The following ACOX3 variants were observed in gnomAD, a reference collection of about 807,000 sequenced individuals.
ACOX3 encodes acyl-CoA oxidase 3, pristanoyl.
In ACOX3, 73 loss-of-function variants were observed where a neutral mutation model predicts 81.5. The ratio of observed to expected loss-of-function variants is 0.90; its 90% CI spans 0.74 to 1.09. The LOEUF (loss-of-function observed/expected upper bound fraction) is 1.09, where lower values mean the gene tolerates loss of function less well. ACOX3 is among the 50% of genes least tolerant of loss of function. The pLI is 0.00. For missense variants in ACOX3, 947 were observed against 928.0 expected (o/e 1.02, Z -0.27); for synonymous variants, 387 against 375.1 (o/e 1.03, Z -0.37).
At chr4:8,365,355 C>A (rs2280569), downstream of ACOX3, among the ~76,000 whole-genome samples, 15 of 152,130 alleles carry the variant, frequency 9.9e-5, no homozygotes, top group Non-Finnish European at 1.9e-4. Context: ...ATGTAACCCA[C>A]GAAGAGTTTG....
rs11462533 is a variant in ACOX3, at chr4:8,390,182, GA to G, written c.1301-449del. On this transcript the variant is annotated intron_variant, in intron 11 of 17. Coordinates refer to ENST00000356406, the MANE Select transcript of ACOX3 (RefSeq NM_003501.3). ...GTGAGACCCTATCTCTATAAAAAAT[GA>G]AAAAAAAAATTAGCTGGGCATAGTG... Among the ~76,000 whole-genome samples the G allele has an allele frequency of 8.1e-5, 12 of 147,548 alleles. No homozygotes were observed. In the East Asian group the frequency reaches 2.0e-3, roughly 24 times the overall value.
chr4:8,358,572 G>A, the ACOX3 span, among the ~76,000 whole-genome samples: 1 of 152,200 alleles, frequency 6.6e-6, no homozygotes, highest in Non-Finnish European at 1.5e-5. Flanking sequence ...GTCACAGGAT[G>A]AGATAGGAGG....
chr4:8,370,465 G>A lies in ACOX3; in HGVS notation c.1983+443C>T, dbSNP rs982285844. 5.3e-5 allele frequency among the ~76,000 whole-genome samples: 8 copies of A among 152,012 alleles called. No individual in the cohort carries two copies. The highest frequency in any genetic ancestry group is 1.9e-4 in the African/African-American group (8 of 41,372). ...AAGCGGGGCAGGGGAGAGTAACCCC[G>A]GTGACAACCATGGATGGTCAGAGGG... On this transcript the variant is annotated intron_variant, in intron 17 of 17. Transcript: ENST00000356406. The surrounding 1 kb of genome is among the most constrained non-coding windows in gnomAD (Gnocchi z 6.3).
chr4:8,372,515 A>T (rs1422916468), intron 16 of ACOX3, among the ~76,000 whole-genome samples: 4 of 152,192 alleles, frequency 2.6e-5, no homozygotes, highest in Admixed American at 2.6e-4. Flanking sequence ...CACTGCCCCA[A>T]GGGGGTAAAA....
intron 13 of ACOX3, among the ~76,000 whole-genome samples, chr4:8,387,088 C>T (rs1038663971): frequency 6.6e-6 from 1 of 152,252 alleles, no homozygotes; most frequent in South Asian, 2.1e-4. Flanking sequence ...CTCCAAGTCC[C>T]CGCTCTATCT....
intron 1 of ACOX3, among the ~76,000 whole-genome samples, chr4:8,427,279 G>A (rs561930866): frequency 5.3e-5 from 8 of 152,202 alleles, no homozygotes; most frequent in Non-Finnish European, 8.8e-5. Context: ...AAGCCGAATC[G>A]GGCAACCCTC....
At chr4:8,404,629 G>A (rs1296608221) in intron 7 of ACOX3, among the ~76,000 whole-genome samples, 1 of 152,190 alleles carries the variant, frequency 6.6e-6, no homozygotes, top group African/African-American at 2.4e-5. Flanking sequence ...CTTCTCAGAA[G>A]AGACAGGCAG....
rs751797672 is a variant in ACOX3, at chr4:8,415,793, C to T, written c.351G>A (p.Leu117=). The change falls in exon 3 of 18, where the codon CTG becomes CTA. Residue 117 remains leucine, a synonymous_variant. Transcript: ENST00000356406. ...IQCLGMYDSS[L]AAKYLLHSLV... ...AGCTATGGAGGAGGTACTTGGCAGCCAGAGAAGAGTCATACATGCCCAGGC... is the reference window on the plus strand; with the variant it reads ...AGCTATGGAGGAGGTACTTGGCAGCTAGAGAAGAGTCATACATGCCCAGGC... 7 of 1,613,950 alleles carry T rather than the reference C, an allele frequency of 4.3e-6. No homozygotes were observed. The highest frequency in any genetic ancestry group is 1.7e-4 in the Middle Eastern group (1 of 6,058).
rs889825417 is a variant in ACOX3, at chr4:8,431,754, C to T, written c.-15+8894G>A. On this transcript the variant is annotated intron_variant, in intron 1 of 17. Coordinates refer to ENST00000356406, the MANE Select transcript of ACOX3 (RefSeq NM_003501.3). The surrounding 1 kb of genome is among the most constrained non-coding windows in gnomAD (Gnocchi z 5.3). ...GAGCACTGCCATAGGGCCTCACCCA[C>T]CCCCTCTCTTGTTTATCTTGACTTC... Among the ~76,000 whole-genome samples, 4 of 152,192 alleles carry T rather than the reference C, an allele frequency of 2.6e-5. No individual in the cohort carries two copies. The highest frequency in any genetic ancestry group is 9.7e-5 in the African/African-American group (4 of 41,438).
Position 8,385,749 on chromosome 4 carries a change from G to C in ACOX3, c.1537+3424C>G, listed in dbSNP as rs1718224381. On this transcript the variant is annotated intron_variant, in intron 13 of 17. Coordinates refer to ENST00000356406, the MANE Select transcript of ACOX3 (RefSeq NM_003501.3). This position sits in a 1 kb window ranked among gnomAD's most constrained non-coding sequence, Gnocchi z 5.5. Reference sequence around the variant, plus strand: ...CCCGGAAGGGGCCTGTGTCTCTCCAGTCCTGCAGAGCCTGAGGGCCCCACA... The same window carrying C: ...CCCGGAAGGGGCCTGTGTCTCTCCACTCCTGCAGAGCCTGAGGGCCCCACA... Among the ~76,000 whole-genome samples, 2 of 152,222 alleles carry C rather than the reference G, an allele frequency of 1.3e-5. No individual in the cohort carries two copies. Among genetic ancestry groups the C allele is most frequent in the African/African-American group, 4.8e-5 (2 of 41,458 alleles).
At position 8,437,690 on chromosome 4, in the gene ACOX3, A is replaced by C. The variant is rs1724337061; in HGVS notation, c.-15+2958T>G. 1.3e-5 allele frequency among the ~76,000 whole-genome samples: 2 copies of C among 152,254 alleles called. No homozygotes were observed. The highest frequency in any genetic ancestry group is 2.4e-5 in the African/African-American group (1 of 41,472). ...TCGAGAGCCGGCCAAGGCTAGAGAG[A>C]CATTAATGTGTGAGATGAAAAAAGA... On this transcript the variant is annotated intron_variant, in intron 1 of 17. Transcript: ENST00000356406. The surrounding 1 kb of genome is among the most constrained non-coding windows in gnomAD (Gnocchi z 5.2).
At position 8,382,674 on chromosome 4, in the gene ACOX3, A is replaced by G. The variant is rs534763556; in HGVS notation, c.1538-1067T>C. 6.6e-6 allele frequency among the ~76,000 whole-genome samples: 1 copy of G among 152,318 alleles called. No individual in the cohort carries two copies. Among genetic ancestry groups the G allele is most frequent in the East Asian group, 1.9e-4 (1 of 5,170 alleles). The stretch of plus-strand genomic sequence containing the variant: ...GGGGCTTGGGATTTCCTTCTATGTC[A>G]CACAGCCCAGGTCACTGGGAAGAAA... On this transcript the variant is annotated intron_variant, in intron 13 of 17. Transcript: ENST00000356406. The surrounding 1 kb of genome is among the most constrained non-coding windows in gnomAD (Gnocchi z 4.1).
At chr4:8,383,980 C>T (rs1718001794) in intron 13 of ACOX3, among the ~76,000 whole-genome samples, 1 of 152,208 alleles carries the variant, frequency 6.6e-6, no homozygotes, top group Admixed American at 6.5e-5. Context: ...ACACCAGAGG[C>T]CCCCGTGTCC....
At position 8,432,117 on chromosome 4, in the gene ACOX3, A is replaced by G. The variant is rs1723991039; in HGVS notation, c.-15+8531T>C. On this transcript the variant is annotated intron_variant, in intron 1 of 17. Transcript: ENST00000356406. The surrounding 1 kb of genome is among the most constrained non-coding windows in gnomAD (Gnocchi z 6.2). Reference sequence around the variant, plus strand: ...ACCTCACTTCCCCTAGTCACATCACATTAAGTGGTAGGCAGCTGAAAACGG... The same window carrying G: ...ACCTCACTTCCCCTAGTCACATCACGTTAAGTGGTAGGCAGCTGAAAACGG... 6.6e-6 allele frequency among the ~76,000 whole-genome samples: 1 copy of G among 152,216 alleles called. No individual in the cohort carries two copies. Among genetic ancestry groups the G allele is most frequent in the Admixed American group, 6.5e-5 (1 of 15,284 alleles).
chr4:8,418,546 A>G (rs1390767062), intron 1 of ACOX3, among the ~76,000 whole-genome samples: 5 of 152,136 alleles, frequency 3.3e-5, no homozygotes, highest in Admixed American at 2.6e-4. Context: ...TCAAATAGAC[A>G]TTTCTCCAAA....
At chr4:8,388,560 C>T (rs867160272) in intron 13 of ACOX3, among the ~76,000 whole-genome samples, 1 of 152,258 alleles carries the variant, frequency 6.6e-6, no homozygotes, top group African/African-American at 2.4e-5. Context: ...GAGCCACAGA[C>T]CCCGTGTGGG....
chr4:8,389,288 T>C lies in ACOX3; in HGVS notation c.1424-2A>G, dbSNP rs1718683273. The C allele has an allele frequency of 6.2e-7, 1 of 1,610,942 alleles. No homozygotes were observed. Among genetic ancestry groups the C allele is most frequent in the African/African-American group, 1.3e-5 (1 of 74,872 alleles). ...GCGGACTGCGGAAGCAAGCTCCATC[T>C]AGGACACACATTCCAGTGACTTTGG... is the stretch of plus-strand genomic sequence containing the variant. On this transcript the variant is annotated splice_acceptor_variant, in intron 12 of 17. Transcript: ENST00000356406. LOFTEE classifies it high-confidence loss of function. The surrounding 1 kb of genome is among the most constrained non-coding windows in gnomAD (Gnocchi z 5.3).
At chr4:8,365,074 C>A (rs1715336382), downstream of ACOX3, among the ~76,000 whole-genome samples, 1 of 152,200 alleles carries the variant, frequency 6.6e-6, no homozygotes, top group South Asian at 2.1e-4. Flanking sequence ...GAGGGGGACC[C>A]CTGGTGGAAA....
chr4:8,413,615 C>T (rs1722021980), intron 5 of ACOX3, among the ~76,000 whole-genome samples: 1 of 150,250 alleles, frequency 6.7e-6, no homozygotes, highest in Non-Finnish European at 1.5e-5. Flanking sequence ...AGGCATCCAT[C>T]TGTGGCCCAT....
Sources: gnomAD v4.1 joint callset for allele counts (sites outside exome capture counted in the v4.1 genomes callset) on GRCh38, gnomAD v4.1.1 for gene constraint, Gnocchi (gnomAD v3.1) non-coding constraint, MANE v1.5 for transcripts, NCBI Gene and HGNC (gene_info 2026-07-23, HGNC 2026-07-21) for gene names.